The following UCKL1 variants were observed in gnomAD, a reference collection of about 807,000 sequenced individuals.
UCKL1 encodes the protein uridine-cytidine kinase 1 like 1, also known as uridine-cytidine kinase-like 1.
Under a neutral mutation model 59.2 loss-of-function variants are expected in UCKL1, and 65 were observed. The ratio of observed to expected loss-of-function variants is 1.10; its 90% CI spans 0.90 to 1.35. The LOEUF is 1.35. Among genes scored for constraint, UCKL1 ranks in the 40% most tolerant of loss-of-function variants. The pLI is 0.00. For synonymous variants in UCKL1, 410 were observed against 323.1 expected (o/e 1.27, Z -2.88); for missense variants, 703 against 784.3 (o/e 0.90, Z 1.24).
At chr20:63,946,323 A>AG in intron 2 of UCKL1, 56 bp from the exon 3 acceptor site, 1 of 1,539,114 alleles carries the variant, frequency 6.5e-7, no homozygotes, top group South Asian at 1.2e-5. Context: ...CGGCACAGAT[A>AG]GGTCCCAGAG....
In UCKL1 at chr20:63,943,669, G is replaced by A. The variant is rs1317616811; in HGVS notation, c.907C>T (p.Arg303Cys). 1.9e-6 allele frequency: 3 copies of A among 1,612,658 alleles called. No individual in the cohort carries two copies. Among genetic ancestry groups the A allele is most frequent in the Admixed American group, 3.3e-5 (2 of 60,016 alleles). The part of the protein sequence containing the change: ...VQHVHSQLEE[R>C]ELSVRAALAS... ...AAGTCTTACCTGACGCTGAGTTCACGCTGTGGCAGCAACACAGGAAGACAC... is the reference window on the plus strand; with the variant it reads ...AAGTCTTACCTGACGCTGAGTTCACACTGTGGCAGCAACACAGGAAGACAC... Residue 303 changes from arginine (R) to cysteine (C), a missense_variant and splice_region_variant, in exon 8 of 15, where the codon CGT becomes TGT. Physicochemically the swap from Arg to Cys is radical, Grantham distance 180. Around this residue, in one of 4 missense-constraint regions of UCKL1, gnomAD observed 156 missense variants for 185.6 expected, o/e 0.84. Coordinates refer to ENST00000354216, the MANE Select transcript of UCKL1 (RefSeq NM_017859.4).
chr20:63,950,702 C>G, intron 1 of UCKL1: 1 of 1,449,308 alleles, frequency 6.9e-7, no homozygotes, highest in South Asian at 1.5e-5. Context: ...TCTGAGTGGC[C>G]AGGACCACAG....
chr20:63,939,948 G>A lies in UCKL1; in HGVS notation c.*28C>T. ...CTGGGTCAGGAGGCAGGAGGAGGGT[G>A]GTGGGGACGGGATGGCTCACTGGGC... On this transcript the variant is annotated 3_prime_UTR_variant, in exon 15 of 15. Coordinates refer to ENST00000354216, the MANE Select transcript of UCKL1 (RefSeq NM_017859.4). 1 of 1,602,744 alleles carries A rather than the reference G, an allele frequency of 6.2e-7. No individual in the cohort carries two copies. The highest frequency in any genetic ancestry group is 8.5e-7 in the Non-Finnish European group (1 of 1,171,080).
At chr20:63,952,211 C>T (rs1431264606) in intron 1 of UCKL1, among the ~76,000 whole-genome samples, 1 of 152,200 alleles carries the variant, frequency 6.6e-6, no homozygotes. Context: ...GCGCAGAGTC[C>T]GGGCTCCTGG....
Position 63,956,124 on chromosome 20 carries a change from A to T in UCKL1, c.113+136T>A. ...CGCGGGGTTCCACCCGGCACGTGGG[A>T]GAACGGGGCGCCGCCGCCTGGCCTC... On this transcript the variant is annotated intron_variant, in intron 1 of 14. Coordinates refer to ENST00000354216, the MANE Select transcript of UCKL1 (RefSeq NM_017859.4). 4.8e-6 allele frequency: 4 copies of T among 826,654 alleles called. No individual in the cohort carries two copies. The South Asian group carries it at 9.1e-5, about 19-fold the overall frequency. The allele number at this position is 826,654 out of a possible 1,614,324, so 51.2% of individuals were successfully genotyped here.
intron 1 of UCKL1, among the ~76,000 whole-genome samples, chr20:63,947,447 G>C (rs77827002): frequency 6.6e-6 from 1 of 152,192 alleles, no homozygotes; most frequent in Non-Finnish European, 1.5e-5. Context: ...GGGTGGAGGC[G>C]AGACCAGACC....
At chr20:63,940,896 G>A in intron 10 of UCKL1, 40 bp from the exon 11 acceptor site, 3 of 1,522,432 alleles carry the variant, frequency 2.0e-6, no homozygotes, top group Non-Finnish European at 2.6e-6. Context: ...AGCGCAGGGA[G>A]CTCGCACCGG....
intron 1 of UCKL1, 116 bp downstream of exon 1, chr20:63,956,144 G>A: frequency 2.0e-6 from 2 of 1,016,312 alleles, no homozygotes; most frequent in Non-Finnish European, 1.3e-6. Flanking sequence ...GCCGCCGCCT[G>A]GCCTCCGGGA....
At chr20:63,945,628 G>T in intron 5 of UCKL1, 23 bp downstream of exon 5, 2 of 1,611,272 alleles carry the variant, frequency 1.2e-6, no homozygotes, top group Non-Finnish European at 1.7e-6. Context: ...CCAGCGGGGT[G>T]GGTATTCCCG....
In UCKL1 at chr20:63,944,688, A is replaced by C. The variant is rs1196958400; in HGVS notation, c.701T>G (p.Leu234Arg). ...IFVDTDSDIR[L>R]VRRLRRDISE... The stretch of plus-strand genomic sequence containing the variant: ...GATGTCCCGGCGCAGCCGCCGTACC[A>C]GGCGGATGTCGGAGTCTGTGTCCAC... Residue 234 changes from leucine (L) to arginine (R), a missense_variant, in exon 6 of 15, where the codon CTG becomes CGG. Transcript: ENST00000354216. 1.7e-5 allele frequency: 27 copies of C among 1,612,974 alleles called. 1 individual carries two copies. Among genetic ancestry groups the C allele is most frequent in the Non-Finnish European group, 2.3e-5 (27 of 1,179,956 alleles).
At chr20:63,950,313 T>C (rs2057385650) in intron 1 of UCKL1, among the ~76,000 whole-genome samples, 1 of 152,188 alleles carries the variant, frequency 6.6e-6, no homozygotes, top group Admixed American at 6.5e-5. Context: ...GTGTGGTGGC[T>C]CATGCCTTGA....
At chr20:63,953,885 G>C (rs2058105771) in intron 1 of UCKL1, 1 of 152,570 alleles carries the variant, frequency 6.6e-6, no homozygotes, top group African/African-American at 2.4e-5. Context: ...GAAGGCTCGG[G>C]CACTCCCTTG....
In UCKL1 at chr20:63,946,463, G is replaced by C; in HGVS notation, c.294C>G (p.Ala98=). ...YNEHGTQSKE[A]FAIGLGGGSA... is the part of the protein sequence containing the mutation. ...CCCCGCTGCTCTCACCGATGGCGAAGGCCTCTTTGGATTGCGTGCCGTGTT... is the reference window on the plus strand; with the variant it reads ...CCCCGCTGCTCTCACCGATGGCGAACGCCTCTTTGGATTGCGTGCCGTGTT... Residue 98 remains alanine (A), a synonymous_variant, in exon 2 of 15, where the codon GCC becomes GCG. Coordinates refer to ENST00000354216, the MANE Select transcript of UCKL1 (RefSeq NM_017859.4). 1 of 1,563,084 alleles carries C rather than the reference G, an allele frequency of 6.4e-7. No individual in the cohort carries two copies. Among genetic ancestry groups the C allele is most frequent in the Non-Finnish European group, 8.7e-7 (1 of 1,153,502 alleles).
At chr20:63,947,917 A>G (rs2056677868) in intron 1 of UCKL1, among the ~76,000 whole-genome samples, 1 of 152,042 alleles carries the variant, frequency 6.6e-6, no homozygotes, top group African/African-American at 2.4e-5. Context: ...TCAAGTGGGC[A>G]GGGGGCCGTG....
intron 1 of UCKL1, chr20:63,953,305 GGAGGCA>G (rs1462056502): frequency 6.6e-6 from 1 of 152,224 alleles, no homozygotes; most frequent in African/African-American, 2.4e-5. Flanking sequence ...CTTGAACCCG[GGAGGCA>G]GAGGTTGCTG....
chr20:63,951,308 G>T, intron 1 of UCKL1: 1 of 620,434 alleles, frequency 1.6e-6, no homozygotes, highest in Non-Finnish European at 2.0e-6. Flanking sequence ...TGGCACATTC[G>T]GCCAGCCTAG....
intron 8 of UCKL1, 60 bp downstream of exon 8, chr20:63,943,593 A>G (rs1446126412): frequency 1.9e-5 from 30 of 1,608,688 alleles, no homozygotes; most frequent in Non-Finnish European, 2.3e-5. Context: ...CCCAGACCCC[A>G]GAGCTCCTTG....
At position 63,956,404 on chromosome 20, in the gene UCKL1, G is replaced by A. The variant is rs1278552102; in HGVS notation, c.-32C>T. The A allele has an allele frequency of 5.1e-6, 7 of 1,375,892 alleles. No individual in the cohort carries two copies. Among genetic ancestry groups the A allele is most frequent in the Middle Eastern group, 2.5e-4 (1 of 3,966 alleles). The allele number at this position is 1,375,892 out of a possible 1,614,324, so 85.2% of individuals were successfully genotyped here. ...CGGAGGCCTCTTTGCGGGCCTGGCC[G>A]GGCGGCGCGCATGGGCCGCCGGGAG... is the stretch of plus-strand genomic sequence containing the variant. On this transcript the variant is annotated 5_prime_UTR_variant, in exon 1 of 15. Transcript: ENST00000354216.
chr20:63,956,184 G>A (rs1002025812), intron 1 of UCKL1, 76 bp downstream of exon 1: 3 of 1,317,952 alleles, frequency 2.3e-6, no homozygotes, highest in Non-Finnish European at 3.0e-6. Context: ...GGCGGGGACG[G>A]ACCACCCGCC....
Sources: allele counts gnomAD v4.1 joint callset (sites outside exome capture counted in the v4.1 genomes callset), GRCh38; gene constraint gnomAD v4.1.1; regional missense constraint gnomAD v4.1.1; transcripts MANE v1.5; gene names NCBI Gene and HGNC (gene_info 2026-07-23, HGNC 2026-07-21).